GRID2: variants seen among roughly 807,000 people sequenced by gnomAD.
GRID2 encodes glutamate ionotropic receptor delta type subunit 2.
Under a neutral mutation model 114.8 loss-of-function variants are expected in GRID2, and 33 were observed. That is an observed-to-expected ratio of 0.29 (90% CI 0.22 to 0.38). The LOEUF (loss-of-function observed/expected upper bound fraction) is 0.38. Ranked by LOEUF, GRID2 falls within the 10% of genes least tolerant of loss-of-function variation. The pLI, the probability that GRID2 is intolerant of heterozygous loss-of-function variation, is 1.00. For missense variants in GRID2, 1,184 were observed against 1,257.7 expected (o/e 0.94, Z 0.89); for synonymous variants, 505 against 449.9 (o/e 1.12, Z -1.55).
chr4:92,991,439 T>A (rs1438526493), intron 2 of GRID2, among the ~76,000 whole-genome samples: 1 of 152,194 alleles, frequency 6.6e-6, no homozygotes, highest in Non-Finnish European at 1.5e-5. Context: ...AAATGAGATA[T>A]CATTATCTGA....
chr4:93,158,552 A>AT (rs1411092158), intron 4 of GRID2, among the ~76,000 whole-genome samples: 1 of 151,426 alleles, frequency 6.6e-6, no homozygotes, highest in Non-Finnish European at 1.5e-5. Context: ...AGTCATTTCC[A>AT]TATCTGTCAT....
intron 4 of GRID2, among the ~76,000 whole-genome samples, chr4:93,149,969 C>A (rs1736595472): frequency 6.6e-6 from 1 of 151,962 alleles, no homozygotes; most frequent in Non-Finnish European, 1.5e-5. Context: ...CAAAGATAGT[C>A]TTCAAATATT....
intron 6 of GRID2, among the ~76,000 whole-genome samples, chr4:93,221,277 C>T (rs1177776556): frequency 6.6e-6 from 1 of 152,020 alleles, no homozygotes; most frequent in African/African-American, 2.4e-5. Flanking sequence ...AGAAAGAGAA[C>T]TAAGATGATC....
At chr4:92,565,480 A>G (rs1443651557) in intron 1 of GRID2, among the ~76,000 whole-genome samples, 7 of 152,034 alleles carry the variant, frequency 4.6e-5, no homozygotes, top group Admixed American at 1.3e-4. Flanking sequence ...TAAATCTTTC[A>G]CAATTGCTGG....
chr4:93,303,491 C>G (rs914364790), intron 8 of GRID2, among the ~76,000 whole-genome samples: 3 of 152,116 alleles, frequency 2.0e-5, no homozygotes, highest in African/African-American at 7.2e-5. Context: ...CACTGTCCTT[C>G]GTGGGCTTCA....
intron 8 of GRID2, among the ~76,000 whole-genome samples, chr4:93,305,873 C>T (rs935488268): frequency 2.0e-5 from 3 of 152,130 alleles, no homozygotes; most frequent in African/African-American, 4.8e-5. Flanking sequence ...CATTAGACTA[C>T]TTCCAGAGTC....
chr4:92,575,567 C>T (rs1218108182), intron 1 of GRID2, among the ~76,000 whole-genome samples: 2 of 152,116 alleles, frequency 1.3e-5, no homozygotes, highest in Non-Finnish European at 2.9e-5. Context: ...TGGGGGTCAG[C>T]TATAGACCCT....
At chr4:93,061,536 T>G (rs893480658) in intron 2 of GRID2, among the ~76,000 whole-genome samples, 1 of 152,120 alleles carries the variant, frequency 6.6e-6, no homozygotes, top group Non-Finnish European at 1.5e-5. Flanking sequence ...CAAAGGGTAT[T>G]GACGTACAAT....
At chr4:92,605,529 G>T (rs573088385) in intron 2 of GRID2, among the ~76,000 whole-genome samples, 1 of 152,066 alleles carries the variant, frequency 6.6e-6, no homozygotes, top group South Asian at 2.1e-4. Context: ...CAGGTAGAAT[G>T]TGTATGATTT....
At chr4:92,696,890 T>G (rs1357771168) in intron 2 of GRID2, among the ~76,000 whole-genome samples, 1 of 152,174 alleles carries the variant, frequency 6.6e-6, no homozygotes, top group Non-Finnish European at 1.5e-5. Context: ...TTGATTTTAT[T>G]TGACATTCTT....
chr4:93,485,527 T>C (rs1726298887), intron 11 of GRID2, among the ~76,000 whole-genome samples: 1 of 151,764 alleles, frequency 6.6e-6, no homozygotes, highest in Non-Finnish European at 1.5e-5. Context: ...TTTATATCTA[T>C]AGGCTGCATG....
At chr4:93,389,920 C>G (rs1764689730) in intron 8 of GRID2, among the ~76,000 whole-genome samples, 1 of 152,068 alleles carries the variant, frequency 6.6e-6, no homozygotes, top group South Asian at 2.1e-4. Flanking sequence ...CCCCAAGTAG[C>G]TGGGATTACA....
intron 8 of GRID2, among the ~76,000 whole-genome samples, chr4:93,369,562 C>T (rs1474856057): frequency 1.3e-5 from 2 of 152,084 alleles, no homozygotes; most frequent in African/African-American, 4.8e-5. Context: ...AGTCATGGCT[C>T]ACTGCAGCAT....
chr4:92,890,861 C>T (rs1195966352), intron 2 of GRID2, among the ~76,000 whole-genome samples: 1 of 152,138 alleles, frequency 6.6e-6, no homozygotes, highest in East Asian at 1.9e-4. Context: ...TTGGAACCAA[C>T]CAAAATGCCC....
intron 4 of GRID2, among the ~76,000 whole-genome samples, chr4:93,182,250 T>C (rs1182736259): frequency 6.6e-6 from 1 of 152,178 alleles, no homozygotes; most frequent in Non-Finnish European, 1.5e-5. Context: ...ATCTATTTTT[T>C]AGTTGAACTC....
At chr4:93,680,677 C>A (rs1056619000) in intron 14 of GRID2, among the ~76,000 whole-genome samples, 6 of 151,332 alleles carry the variant, frequency 4.0e-5, no homozygotes, top group Non-Finnish European at 5.9e-5. Flanking sequence ...AAGACAAAAA[C>A]CACATGATTA....
In GRID2 at chr4:92,664,656, T is replaced by G. The variant is rs561649521; in HGVS notation, c.244+74370T>G. ...ATGAGATATCAGTCTCTAACTACTT[T>G]TATAGAACTGTCTATCCCTTAAATA... is the stretch of plus-strand genomic sequence containing the variant. On this transcript the variant is annotated intron_variant, in intron 2 of 15. Transcript: ENST00000282020. Among the ~76,000 whole-genome samples the G allele has an allele frequency of 9.3e-5, 14 of 150,446 alleles. 1 individual carries two copies. In the South Asian group the frequency reaches 1.7e-3, roughly 18 times the overall value.
At chr4:92,875,174 TTTC>T (rs1384484826) in intron 2 of GRID2, among the ~76,000 whole-genome samples, 30 of 146,498 alleles carry the variant, frequency 2.0e-4, no homozygotes, top group African/African-American at 7.3e-4. Context: ...TTTTTTTTTT[TTTC>T]CCGAGACGGA....
At chr4:92,429,700 T>G (rs1238545400) in intron 1 of GRID2, among the ~76,000 whole-genome samples, 1 of 152,148 alleles carries the variant, frequency 6.6e-6, no homozygotes, top group Non-Finnish European at 1.5e-5. Flanking sequence ...GCTGTACTAA[T>G]GTAATTTAGT....
Sources: gnomAD v4.1 joint callset for allele counts (sites outside exome capture counted in the v4.1 genomes callset) on GRCh38, gnomAD v4.1.1 for gene constraint, MANE v1.5 for transcripts, NCBI Gene and HGNC (gene_info 2026-07-23, HGNC 2026-07-21) for gene names.